The following TANGO6 variants were observed in gnomAD, a reference collection of about 807,000 sequenced individuals.
TANGO6 encodes the protein transport and Golgi organization protein 6 homolog.
A neutral mutation model predicts 114.2 loss-of-function variants in TANGO6; 90 were observed. That is an observed-to-expected ratio of 0.79 (90% CI 0.66 to 0.94). The LOEUF (loss-of-function observed/expected upper bound fraction) is 0.94, where lower values mean the gene tolerates loss of function less well. Among genes scored for constraint, TANGO6 ranks in the 40% least tolerant of loss-of-function variants. The pLI, the probability that TANGO6 is intolerant of heterozygous loss-of-function variation, is 0.00. For synonymous variants in TANGO6, 477 were observed against 509.8 expected, an observed-to-expected ratio of 0.94 and a Z score of 0.87; for missense variants, 1,274 against 1,315.3, an observed-to-expected ratio of 0.97 and a Z score of 0.49.
At position 69,084,848 on chromosome 16, in the gene TANGO6, C is replaced by A. The variant is rs55840312; in HGVS notation, c.*1187C>A. ...AGCTCGAGTGACTGAAGGATCTATA[C>A]ACAAACATGGCTATTTGCTAGTTAA... is the stretch of plus-strand genomic sequence containing the variant. On this transcript the variant is annotated 3_prime_UTR_variant, in exon 18 of 18. Coordinates refer to ENST00000261778, the MANE Select transcript of TANGO6 (RefSeq NM_024562.2). 5 of 152,338 alleles carry A rather than the reference C, an allele frequency of 3.3e-5. No homozygotes were observed. Among genetic ancestry groups the A allele is most frequent in the African/African-American group, 7.2e-5 (3 of 41,456 alleles). The allele number at this position is 152,338 out of a possible 1,614,324, so 9.4% of individuals were successfully genotyped here.
rs769258392 is a variant in TANGO6 at position 68,882,834 on chromosome 16, T to C, written c.1377+2204T>C. Among the ~76,000 whole-genome samples the C allele has an allele frequency of 1.1e-4, 17 of 152,054 alleles. No individual in the cohort carries two copies. In the South Asian group the frequency reaches 3.1e-3, roughly 28 times the overall value. On this transcript the variant is annotated intron_variant, in intron 7 of 17. Coordinates refer to ENST00000261778, the MANE Select transcript of TANGO6 (RefSeq NM_024562.2). ...TAGATCAAGACCATCCTGACTAACATGGTGAAACCCTGTCTCTACTAAAAA... is the reference window on the plus strand; with the variant it reads ...TAGATCAAGACCATCCTGACTAACACGGTGAAACCCTGTCTCTACTAAAAA...
chr16:69,055,604 G>A (rs1960020481), intron 17 of TANGO6, among the ~76,000 whole-genome samples: 1 of 152,230 alleles, frequency 6.6e-6, no homozygotes, highest in South Asian at 2.1e-4. Context: ...ATCAGGTTCA[G>A]CCTCCACCAT....
In TANGO6 at chr16:69,000,590, C is replaced by CT. The variant is rs1022445473; in HGVS notation, c.2843-22228dup. On this transcript the variant is annotated intron_variant, in intron 15 of 17. Transcript: ENST00000261778. Reference sequence around the variant, plus strand: ...ATTTTAAAGGCAAACAAAAATCTTTCTTTTTTTTTTCTTTTTTTTGAGACA... The same window carrying CT: ...ATTTTAAAGGCAAACAAAAATCTTTCTTTTTTTTTTTCTTTTTTTTGAGACA... Among the ~76,000 whole-genome samples the CT allele has an allele frequency of 8.5e-4, 127 of 149,244 alleles. 1 individual carries two copies. The highest frequency in any genetic ancestry group is 2.8e-3 in the African/African-American group (112 of 40,708).
intron 14 of TANGO6, among the ~76,000 whole-genome samples, chr16:68,931,708 CAG>C (rs1368955649): frequency 6.6e-6 from 1 of 152,028 alleles, no homozygotes; most frequent in Non-Finnish European, 1.5e-5. Context: ...TTTTTAGAGA[CAG>C]AAAATAGATT....
rs151113548 is a variant in TANGO6 at position 68,915,023 on chromosome 16, G to A, written c.1993-4062G>A. On this transcript the variant is annotated intron_variant, in intron 11 of 17. Transcript: ENST00000261778. ...CACATATAGATAGTGGAGGATGGGC[G>A]CAGTGGCTTATGCTTGTTATCCCAG... 2.1e-3 allele frequency among the ~76,000 whole-genome samples: 323 copies of A among 150,406 alleles called. 2 individuals are homozygous for A. The Middle Eastern group carries it at 0.048, about 22-fold the overall frequency.
intron 15 of TANGO6, among the ~76,000 whole-genome samples, chr16:68,981,663 T>A (rs531973474): frequency 3.3e-4 from 50 of 152,350 alleles, no homozygotes; most frequent in African/African-American, 1.2e-3. Context: ...ATTAAATGCA[T>A]CTTTTTGGGT....
At chr16:69,061,743 C>A (rs534783865) in intron 17 of TANGO6, among the ~76,000 whole-genome samples, 8 of 150,550 alleles carry the variant, frequency 5.3e-5, no homozygotes, top group South Asian at 2.1e-4. Context: ...TCCGGCCGGG[C>A]GCGCGGTGGC....
chr16:69,041,586 C>T (rs535091526), intron 17 of TANGO6, among the ~76,000 whole-genome samples: 2 of 152,148 alleles, frequency 1.3e-5, no homozygotes, highest in Admixed American at 6.6e-5. Context: ...CTTTCCTACA[C>T]AGCCACCTTT....
At chr16:69,003,964 A>C (rs1157995983) in intron 15 of TANGO6, among the ~76,000 whole-genome samples, 2 of 151,998 alleles carry the variant, frequency 1.3e-5, no homozygotes, top group Non-Finnish European at 2.9e-5. Context: ...TTTCTTCCTA[A>C]ATCCACATTT....
intron 14 of TANGO6, among the ~76,000 whole-genome samples, chr16:68,960,469 T>G (rs922962739): frequency 6.6e-5 from 10 of 151,692 alleles, no homozygotes; most frequent in African/African-American, 2.4e-4. Context: ...GTGCTGTTTT[T>G]TAAATTATTT....
intron 16 of TANGO6, among the ~76,000 whole-genome samples, chr16:69,038,735 A>G (rs867788714): frequency 3.3e-5 from 5 of 152,026 alleles, no homozygotes; most frequent in African/African-American, 7.2e-5. Flanking sequence ...CTGTGTTAGT[A>G]TGGTCTTTTA....
chr16:68,876,424 G>A (rs1962361470), intron 5 of TANGO6, among the ~76,000 whole-genome samples: 1 of 152,152 alleles, frequency 6.6e-6, no homozygotes, highest in Non-Finnish European at 1.5e-5. Context: ...GCCTCCCGAA[G>A]TGCTGGGATT....
intron 12 of TANGO6, among the ~76,000 whole-genome samples, chr16:68,925,461 G>T (rs947739049): frequency 6.6e-6 from 1 of 152,108 alleles, no homozygotes; most frequent in Non-Finnish European, 1.5e-5. Flanking sequence ...AAGTCAGGTT[G>T]TTCATTTTCT....
intron 1 of TANGO6, among the ~76,000 whole-genome samples, chr16:68,855,568 C>A (rs1457817957): frequency 1.3e-5 from 2 of 149,308 alleles, no homozygotes; most frequent in Admixed American, 6.8e-5. Context: ...GGAGACAAAA[C>A]AAAACTGTCT....
intron 14 of TANGO6, among the ~76,000 whole-genome samples, chr16:68,935,005 A>G (rs369994041): frequency 3.3e-5 from 5 of 152,352 alleles, no homozygotes; most frequent in African/African-American, 4.8e-5. Context: ...CAGCTCCCCA[A>G]GATGATGGAC....
chr16:69,063,808 C>CTTA (rs1179628552), intron 17 of TANGO6, among the ~76,000 whole-genome samples: 6,632 of 125,412 alleles, frequency 0.053, 236 homozygotes, highest in East Asian at 0.079. Flanking sequence ...TCTTCTTCTT[C>CTTA]TTATTATTAT....
intron 11 of TANGO6, 179 bp downstream of exon 11, chr16:68,909,581 G>T (rs1400315827): frequency 4.3e-6 from 2 of 463,546 alleles, no homozygotes; most frequent in Non-Finnish European, 7.0e-6. Context: ...ACGTTCCAGT[G>T]TCCTGAGACT....
chr16:68,988,456 CCTCTT>C (rs1178343339), intron 15 of TANGO6, among the ~76,000 whole-genome samples: 1 of 152,170 alleles, frequency 6.6e-6, no homozygotes, highest in East Asian at 1.9e-4. Context: ...TGCCCTTGGT[CCTCTT>C]CTCTCTTCCA....
chr16:68,911,795 C>T (rs940670450), intron 11 of TANGO6, among the ~76,000 whole-genome samples: 2 of 152,178 alleles, frequency 1.3e-5, no homozygotes, highest in Admixed American at 6.5e-5. Context: ...AAGTCTGAGG[C>T]AGGCAGGAAT....
Sources: gnomAD v4.1 joint callset for allele counts (sites outside exome capture counted in the v4.1 genomes callset) on GRCh38, gnomAD v4.1.1 for gene constraint, MANE v1.5 for transcripts, NCBI Gene and HGNC (gene_info 2026-07-23, HGNC 2026-07-21) for gene names.